ITSN1: variants seen among roughly 807,000 people sequenced by gnomAD.
ITSN1 encodes the protein intersectin 1, also known as intersectin-1.
In ITSN1, 58 loss-of-function variants were observed where a neutral mutation model predicts 239.8. The ratio of observed to expected loss-of-function variants is 0.24; its 90% CI spans 0.20 to 0.30. The LOEUF is 0.30. ITSN1 is among the 10% of genes least tolerant of loss of function. The probability of loss-of-function intolerance (pLI) is 1.00; values close to 1 mark genes in which losing one functional copy is unlikely to be tolerated. For missense variants in ITSN1, 1,558 were observed against 2,103.3 expected, an observed-to-expected ratio of 0.74 and a Z score of 5.07; for synonymous variants, 780 against 770.8, an observed-to-expected ratio of 1.01 and a Z score of -0.20.
At position 33,889,677 on chromosome 21, in the gene ITSN1, T is replaced by C. The variant is rs1268923533; in HGVS notation, c.*1377T>C. On this transcript the variant is annotated 3_prime_UTR_variant, in exon 40 of 40. Transcript: ENST00000381318. ...ATGAAATGTCCTTTGCATGTTCTGT[T>C]GGTACTGGAGTCTAGCTTTCCTGTA... 6.6e-6 allele frequency: 1 copy of C among 152,246 alleles called. No individual in the cohort carries two copies. Among genetic ancestry groups the C allele is most frequent in the Non-Finnish European group, 1.5e-5 (1 of 68,046 alleles). The allele number at this position is 152,246 out of a possible 1,614,324, so 9.4% of individuals were successfully genotyped here. A position where few individuals can be genotyped will look rare whatever the true frequency, so the allele number is the denominator to read the frequency against.
intron 1 of ITSN1, among the ~76,000 whole-genome samples, chr21:33,717,823 T>A (rs1275688328): frequency 6.6e-6 from 1 of 152,166 alleles, no homozygotes; most frequent in African/African-American, 2.4e-5. Flanking sequence ...CGCCTTGGCC[T>A]CCCAAAGTTC....
intron 1 of ITSN1, among the ~76,000 whole-genome samples, chr21:33,646,172 C>A (rs1039531964): frequency 1.3e-5 from 2 of 152,090 alleles, no homozygotes; most frequent in Non-Finnish European, 2.9e-5. Flanking sequence ...AAATTAGGAG[C>A]CACAAGCACT....
intron 10 of ITSN1, among the ~76,000 whole-genome samples, chr21:33,766,318 T>C (rs544838560): frequency 1.2e-4 from 18 of 152,346 alleles, no homozygotes; most frequent in African/African-American, 4.3e-4. Context: ...AGAAACTGCA[T>C]GAGCCTATGC....
chr21:33,818,570 TTAGTTTG>T, intron 23 of ITSN1, 98 bp downstream of exon 23: 1 of 1,058,618 alleles, frequency 9.4e-7, no homozygotes, highest in Non-Finnish European at 1.4e-6. Context: ...AGTTGCGGGA[TTAGTTTG>T]TCTTCTAGAT....
intron 29 of ITSN1, among the ~76,000 whole-genome samples, chr21:33,852,216 A>G (rs1978450315): frequency 6.6e-6 from 1 of 152,184 alleles, no homozygotes; most frequent in Admixed American, 6.5e-5. Flanking sequence ...CTTAATAAAT[A>G]TTTATGGACC....
chr21:33,787,023 T>C (rs1237255627), intron 16 of ITSN1, among the ~76,000 whole-genome samples: 1 of 152,228 alleles, frequency 6.6e-6, no homozygotes, highest in Non-Finnish European at 1.5e-5. Context: ...GTGTCTAAGA[T>C]AGCATTTACC....
At chr21:33,796,206 C>G (rs1012107972) in intron 17 of ITSN1, among the ~76,000 whole-genome samples, 1 of 152,036 alleles carries the variant, frequency 6.6e-6, no homozygotes, top group Non-Finnish European at 1.5e-5. Flanking sequence ...CTCCTGACCT[C>G]GTGATCTGCC....
In ITSN1 at chr21:33,836,628, G is replaced by C. The variant is rs374844830; in HGVS notation, c.3657G>C (p.Gln1219His). The C allele has an allele frequency of 6.2e-7, 1 of 1,613,100 alleles. No individual in the cohort carries two copies. The highest frequency in any genetic ancestry group is 1.3e-5 in the African/African-American group (1 of 75,008). The change falls in exon 29 of 40, where the codon CAG becomes CAC. Residue 1219 changes from glutamine to histidine, a missense_variant. Gln to His is a conservative substitution (Grantham distance 24). This residue lies in a region of ITSN1 where 576 missense variants were observed against 893.3 expected (regional missense o/e 0.64). Coordinates refer to ENST00000381318, the MANE Select transcript of ITSN1 (RefSeq NM_003024.3). Reference protein sequence around the residue: ...VKLTTDMDPSQQWCSDLHLLD... With the variant: ...VKLTTDMDPSHQWCSDLHLLD... ...TGACCACAGACATGGACCCAAGCCAGCAATGTAAGTGCCCTGGTGGCTCTG... is the reference window on the plus strand; with the variant it reads ...TGACCACAGACATGGACCCAAGCCACCAATGTAAGTGCCCTGGTGGCTCTG...
intron 29 of ITSN1, among the ~76,000 whole-genome samples, chr21:33,851,753 T>C (rs996046547): frequency 2.0e-4 from 29 of 147,356 alleles, no homozygotes; most frequent in African/African-American, 6.3e-4. Context: ...TTTCTCGTTT[T>C]TTTTCTTTTC....
intron 25 of ITSN1, among the ~76,000 whole-genome samples, chr21:33,825,498 GGTCTGGGGCACA>G (rs1420549773): frequency 6.6e-6 from 1 of 152,198 alleles, no homozygotes; most frequent in African/African-American, 2.4e-5. Context: ...TGTATGGGCA[GGTCTGGGGCACA>G]GTCTGGGGGA....
At position 33,819,342 on chromosome 21, in the gene ITSN1, T is replaced by C; in HGVS notation, c.3016+19T>C. 2 of 1,592,494 alleles carry C rather than the reference T, an allele frequency of 1.3e-6. No homozygotes were observed. Among genetic ancestry groups the C allele is most frequent in the Non-Finnish European group, 1.7e-6 (2 of 1,160,614 alleles). ...GGAGAAGGTGAGGGCCTGAGTTGTA[T>C]TATGTTCTTCAGAAGGGTCAAGGAC... On this transcript the variant is annotated intron_variant, in intron 24 of 39. Transcript: ENST00000381318.
At chr21:33,838,738 CAT>C (rs59662226) in intron 29 of ITSN1, among the ~76,000 whole-genome samples, 7,235 of 152,242 alleles carry the variant, frequency 0.048, 455 homozygotes, top group African/African-American at 0.14. Context: ...AGTTTCGAAA[CAT>C]AGAACTCTAC....
chr21:33,883,677 A>T lies in ITSN1; in HGVS notation c.4676+6A>T, dbSNP rs933128493. The T allele has an allele frequency of 6.2e-6, 10 of 1,612,328 alleles. No homozygotes were observed. Among genetic ancestry groups the T allele is most frequent in the Non-Finnish European group, 8.5e-6 (10 of 1,178,798 alleles). On this transcript the variant is annotated splice_donor_region_variant and intron_variant, in intron 36 of 39. Coordinates refer to ENST00000381318, the MANE Select transcript of ITSN1 (RefSeq NM_003024.3). ...GCAGAAAGCATAAATGAAAGGTGAG[A>T]CCTGCCGCCTCCCCAGCATGGGCCC...
intron 14 of ITSN1, among the ~76,000 whole-genome samples, chr21:33,777,884 A>C (rs2069770617): frequency 6.6e-6 from 1 of 152,200 alleles, no homozygotes. Flanking sequence ...CGATGAAGGA[A>C]AGCTCTCTCA....
At chr21:33,874,156 C>CAAA (rs778588764) in intron 33 of ITSN1, among the ~76,000 whole-genome samples, 59 of 29,104 alleles carry the variant, frequency 2.0e-3, no homozygotes, top group African/African-American at 5.6e-3. Flanking sequence ...AACTCCGTCT[C>CAAA]AAAAAAAAAA....
At chr21:33,717,864 G>T (rs913604118) in intron 1 of ITSN1, among the ~76,000 whole-genome samples, 4 of 152,182 alleles carry the variant, frequency 2.6e-5, no homozygotes, top group Non-Finnish European at 4.4e-5. Flanking sequence ...ACTGCGCCCG[G>T]CCCTAAATCT....
At chr21:33,739,867 A>G (rs1361398756) in intron 5 of ITSN1, among the ~76,000 whole-genome samples, 1 of 152,236 alleles carries the variant, frequency 6.6e-6, no homozygotes, top group Non-Finnish European at 1.5e-5. Flanking sequence ...TATCTGTGTT[A>G]TCTGAAGACT....
In ITSN1 at chr21:33,695,714, T is replaced by C. The variant is rs115377179; in HGVS notation, c.-32-23083T>C. ...AAGAAAATAAGAAATTGAGGAAATC[T>C]AGGATTTTCTTCTTTTTATTTTGGA... On this transcript the variant is annotated intron_variant, in intron 1 of 39. Transcript: ENST00000381318. 7.2e-3 allele frequency among the ~76,000 whole-genome samples: 1,093 copies of C among 152,342 alleles called. 14 individuals are homozygous for C. The highest frequency in any genetic ancestry group is 0.025 in the African/African-American group (1,038 of 41,576).
At chr21:33,732,164 G>A in intron 4 of ITSN1, among the ~76,000 whole-genome samples, 1 of 152,216 alleles carries the variant, frequency 6.6e-6, no homozygotes, top group Non-Finnish European at 1.5e-5. Flanking sequence ...GGAGAACAAA[G>A]TTTTGTCATG....
Sources: allele counts gnomAD v4.1 joint callset (sites outside exome capture counted in the v4.1 genomes callset), GRCh38; gene constraint gnomAD v4.1.1; regional missense constraint gnomAD v4.1.1; transcripts MANE v1.5; gene names NCBI Gene and HGNC (gene_info 2026-07-23, HGNC 2026-07-21).